TMTC2: variants seen among roughly 807,000 people sequenced by gnomAD.
TMTC2 encodes protein O-mannosyl-transferase TMTC2.
In TMTC2, 43 loss-of-function variants were observed where a neutral mutation model predicts 82.4. The ratio of observed to expected loss-of-function variants is 0.52; its 90% CI spans 0.41 to 0.67. The LOEUF (loss-of-function observed/expected upper bound fraction) is 0.67, where lower values mean the gene tolerates loss of function less well. Among genes scored for constraint, TMTC2 ranks in the 30% least tolerant of loss-of-function variants. The pLI, the probability that TMTC2 is intolerant of heterozygous loss-of-function variation, is 0.00. For synonymous variants in TMTC2, 408 were observed against 381.9 expected (o/e 1.07, Z -0.80); for missense variants, 919 against 1,012.4 (o/e 0.91, Z 1.25).
chr12:82,923,837 T>G (rs1252342097), intron 3 of TMTC2, among the ~76,000 whole-genome samples: 3 of 152,200 alleles, frequency 2.0e-5, no homozygotes, highest in African/African-American at 7.2e-5. Context: ...CCTTGGAATA[T>G]TCCTCCATTT....
intron 3 of TMTC2, among the ~76,000 whole-genome samples, chr12:82,910,042 T>C (rs996586799): frequency 6.6e-6 from 1 of 152,172 alleles, no homozygotes; most frequent in Non-Finnish European, 1.5e-5. Flanking sequence ...ATTGCTGATA[T>C]TGTTAAAGAG....
chr12:82,772,881 C>T (rs11115407), intron 1 of TMTC2, among the ~76,000 whole-genome samples: 23,085 of 151,896 alleles, frequency 0.15, 2,009 homozygotes, highest in African/African-American at 0.24. Flanking sequence ...AAAGTAGTGT[C>T]GGAGTGGGGG....
At chr12:82,770,012 G>A (rs1183417987) in intron 1 of TMTC2, among the ~76,000 whole-genome samples, 1 of 152,044 alleles carries the variant, frequency 6.6e-6, no homozygotes, top group Non-Finnish European at 1.5e-5. Context: ...ACTTTTTATT[G>A]AAAATGATAT....
intron 9 of TMTC2, among the ~76,000 whole-genome samples, chr12:83,042,374 C>CTAATGAGGTTGTATT (rs1881928197): frequency 6.6e-6 from 1 of 152,204 alleles, no homozygotes; most frequent in African/African-American, 2.4e-5. Flanking sequence ...TGAGGCTGCT[C>CTAATGAGGTTGTATT]ACCTCTGGAT....
intron 11 of TMTC2, among the ~76,000 whole-genome samples, chr12:83,083,503 A>G (rs984586578): frequency 3.3e-5 from 5 of 151,920 alleles, no homozygotes; most frequent in Non-Finnish European, 4.4e-5. Flanking sequence ...ATTTCTTTAC[A>G]TATTTGTGTT....
chr12:82,716,631 G>A (rs1188033108), intron 1 of TMTC2, among the ~76,000 whole-genome samples: 2 of 152,096 alleles, frequency 1.3e-5, no homozygotes, highest in African/African-American at 4.8e-5. Context: ...CAAAGTGCTG[G>A]GATTACAGGC....
chr12:82,726,591 C>A (rs1874460756), intron 1 of TMTC2, among the ~76,000 whole-genome samples: 1 of 152,088 alleles, frequency 6.6e-6, no homozygotes, highest in Non-Finnish European at 1.5e-5. Flanking sequence ...TAGAAAGTGG[C>A]AAAGCCAAGT....
At chr12:83,095,956 T>C (rs1456200228) in intron 11 of TMTC2, among the ~76,000 whole-genome samples, 1 of 152,182 alleles carries the variant, frequency 6.6e-6, no homozygotes, top group Non-Finnish European at 1.5e-5. Context: ...TTTCTTACTA[T>C]TATAAAAATT....
intron 1 of TMTC2, among the ~76,000 whole-genome samples, chr12:82,819,604 C>T (rs1280533306): frequency 1.3e-5 from 2 of 149,496 alleles, no homozygotes; most frequent in South Asian, 2.1e-4. Flanking sequence ...CAGGTCCAAG[C>T]GATTCTCCTG....
At chr12:82,935,855 C>G (rs1488689623) in intron 4 of TMTC2, among the ~76,000 whole-genome samples, 2 of 151,600 alleles carry the variant, frequency 1.3e-5, no homozygotes, top group African/African-American at 4.8e-5. Context: ...TAGTAAATAT[C>G]CAATCTGAGA....
chr12:82,837,299 T>C (rs962925814), intron 1 of TMTC2, among the ~76,000 whole-genome samples: 5 of 152,172 alleles, frequency 3.3e-5, no homozygotes, highest in African/African-American at 9.7e-5. Flanking sequence ...ACAAATTAAA[T>C]GATTTGATTC....
At position 83,134,290 on chromosome 12, in the gene TMTC2, CA is replaced by C. The variant is rs3215266; in HGVS notation, c.*1913del. 0.4 allele frequency: 54,706 copies of C among 137,150 alleles called. 9,985 individuals carry two copies. Among genetic ancestry groups the C allele is most frequent in the South Asian group, 0.47 (2,058 of 4,392 alleles). 8.5% of individuals were successfully genotyped at this position (137,150 alleles called of 1,614,324 possible). A position where few individuals can be genotyped will look rare whatever the true frequency, so the allele number is the denominator to read the frequency against. ...TCATCTTTTAGTGCATTGGCAATTGCAAAAAAAAAAAAGGAATTTAATATAA... is the reference window on the plus strand; with the variant it reads ...TCATCTTTTAGTGCATTGGCAATTGCAAAAAAAAAAAGGAATTTAATATAA... On this transcript the variant is annotated 3_prime_UTR_variant, in exon 12 of 12. Transcript: ENST00000321196.
intron 1 of TMTC2, 118 bp downstream of exon 1, chr12:82,687,787 GT>G: frequency 2.1e-6 from 2 of 972,650 alleles, no homozygotes; most frequent in Non-Finnish European, 3.1e-6. Flanking sequence ...GCACCTGATG[GT>G]TTAGGCGACA....
chr12:82,938,354 AG>A (rs1876524451), intron 4 of TMTC2, among the ~76,000 whole-genome samples: 1 of 152,148 alleles, frequency 6.6e-6, no homozygotes, highest in Non-Finnish European at 1.5e-5. Flanking sequence ...GTTTAAAAAC[AG>A]TTTGGCCTGT....
At chr12:83,055,689 AG>A (rs1467476930) in intron 10 of TMTC2, among the ~76,000 whole-genome samples, 1 of 149,414 alleles carries the variant, frequency 6.7e-6, no homozygotes, top group Non-Finnish European at 1.5e-5. Context: ...CAGCATTCAT[AG>A]GCTCTAGTGG....
intron 2 of TMTC2, among the ~76,000 whole-genome samples, chr12:82,891,684 A>G (rs1035965322): frequency 1.3e-5 from 2 of 152,074 alleles, no homozygotes; most frequent in Non-Finnish European, 2.9e-5. Context: ...ACTTTGGCTT[A>G]TACTTTTTTT....
intron 1 of TMTC2, among the ~76,000 whole-genome samples, chr12:82,791,205 C>T (rs1434809220): frequency 2.0e-5 from 3 of 151,948 alleles, no homozygotes; most frequent in Admixed American, 1.3e-4. Context: ...TTTATCTTTC[C>T]GTATTACTAA....
At chr12:83,091,340 CTGTTA>C (rs1883840738) in intron 11 of TMTC2, among the ~76,000 whole-genome samples, 1 of 152,316 alleles carries the variant, frequency 6.6e-6, no homozygotes, top group Middle Eastern at 3.4e-3. Flanking sequence ...CCCCAAACTA[CTGTTA>C]TAACAGTGCT....
chr12:82,977,684 A>G (rs1469302010), intron 7 of TMTC2, among the ~76,000 whole-genome samples: 2 of 151,860 alleles, frequency 1.3e-5, no homozygotes, highest in Admixed American at 6.6e-5. Context: ...TGTATAAAAG[A>G]TACTTTAATA....
Sources: allele counts gnomAD v4.1 joint callset (sites outside exome capture counted in the v4.1 genomes callset), GRCh38; gene constraint gnomAD v4.1.1; transcripts MANE v1.5; gene names NCBI Gene and HGNC (gene_info 2026-07-23, HGNC 2026-07-21).